UBR3: variants seen among roughly 807,000 people sequenced by gnomAD.
UBR3 encodes the protein ubiquitin protein ligase E3 component n-recognin 3.
In UBR3, 85 loss-of-function variants were observed where a neutral mutation model predicts 243.2. The observed-to-expected ratio is 0.35, with a 90% CI of 0.29 to 0.42. The LOEUF (loss-of-function observed/expected upper bound fraction) is 0.42, where lower values mean the gene tolerates loss of function less well. Among genes scored for constraint, UBR3 ranks in the 10% least tolerant of loss-of-function variants. The pLI is 1.00. For missense variants in UBR3, 1,686 were observed against 2,300.8 expected, an observed-to-expected ratio of 0.73 and a Z score of 5.47; for synonymous variants, 748 against 799.8, an observed-to-expected ratio of 0.94 and a Z score of 1.09.
At position 169,932,957 on chromosome 2, in the gene UBR3, G is replaced by A. The variant is rs759291811; in HGVS notation, c.2612G>A (p.Arg871Gln). Residue 871 changes from arginine (R) to glutamine (Q), a missense_variant, in exon 19 of 39, where the codon CGA (arginine) becomes CAA (glutamine). Transcript: ENST00000272793. Reference sequence around the variant, plus strand: ...TTTGACCCCGTCATGGTCATTCTTCGAACAGTTTACCGTAGAGATGTGCAG... The same window carrying A: ...TTTGACCCCGTCATGGTCATTCTTCAAACAGTTTACCGTAGAGATGTGCAG... ...QEFDPVMVIL[R>Q]TVYRRDVQSA... The A allele has an allele frequency of 1.9e-6, 3 of 1,540,586 alleles. No individual in the cohort carries two copies. Among genetic ancestry groups the A allele is most frequent in the South Asian group, 2.5e-5 (2 of 81,388 alleles).
chr2:169,863,336 C>T (rs187564246), intron 1 of UBR3, among the ~76,000 whole-genome samples: 37 of 152,328 alleles, frequency 2.4e-4, no homozygotes, highest in African/African-American at 8.7e-4. Flanking sequence ...CATTGAGTTG[C>T]ATACTTAACC....
At chr2:169,923,810 G>C in intron 11 of UBR3, 119 bp from the exon 12 acceptor site, 1 of 913,472 alleles carries the variant, frequency 1.1e-6, no homozygotes, top group Non-Finnish European at 1.6e-6. Flanking sequence ...AAAATGTTAA[G>C]TTTTGAACTA....
chr2:170,016,133 TAGTA>T (rs1203164072), intron 30 of UBR3, among the ~76,000 whole-genome samples: 12 of 151,780 alleles, frequency 7.9e-5, no homozygotes, highest in African/African-American at 9.7e-5. Context: ...TACTAAAAAA[TAGTA>T]AGTATTAAAA....
At chr2:169,913,919 T>C (rs1340985752) in intron 10 of UBR3, 141 bp from the exon 11 acceptor site, 1 of 339,456 alleles carries the variant, frequency 2.9e-6, no homozygotes, top group African/African-American at 2.1e-5. Context: ...AGGGAGAGTT[T>C]CTTGAAATGG....
intron 23 of UBR3, among the ~76,000 whole-genome samples, chr2:169,952,673 G>C (rs1340907651): frequency 6.6e-6 from 1 of 151,648 alleles, no homozygotes; most frequent in African/African-American, 2.4e-5. Context: ...CCAGCCTGGC[G>C]ACAGAATGAG....
At chr2:169,947,872 T>C (rs2086848565) in intron 22 of UBR3, 157 bp downstream of exon 22, 1 of 985,100 alleles carries the variant, frequency 1.0e-6, no homozygotes, top group African/African-American at 1.7e-5. Context: ...ATGTAACTTC[T>C]ACCTTACCAG....
intron 1 of UBR3, among the ~76,000 whole-genome samples, chr2:169,861,387 A>G (rs1464023554): frequency 6.6e-6 from 1 of 152,208 alleles, no homozygotes; most frequent in Admixed American, 6.5e-5. Context: ...AGGCGGGTGG[A>G]TCACGAGGTC....
In UBR3 at chr2:170,029,595, A is replaced by G. The variant is rs530981729; in HGVS notation, c.4556+147A>G. The G allele has an allele frequency of 1.4e-4, 89 of 638,978 alleles. No individual in the cohort carries two copies. The Middle Eastern group carries it at 2.3e-3, about 16-fold the overall frequency. The allele number at this position is 638,978 out of a possible 1,614,324, so 39.6% of individuals were successfully genotyped here. On this transcript the variant is annotated intron_variant, in intron 31 of 38. Transcript: ENST00000272793. Reference sequence around the variant, plus strand: ...GAAATATATCATAAGAATTGAAAACAGTTTACCATTATGCTGTCTGTAAAA... The same window carrying G: ...GAAATATATCATAAGAATTGAAAACGGTTTACCATTATGCTGTCTGTAAAA...
In UBR3 at chr2:169,900,495, A is replaced by G. The variant is rs1022277629; in HGVS notation, c.1465+3760A>G. On this transcript the variant is annotated intron_variant, in intron 8 of 38. Coordinates refer to ENST00000272793, the MANE Select transcript of UBR3 (RefSeq NM_172070.4). ...TTGCTGTGCAGAAGCTCTTTAGTTT[A>G]ATTAGATCCCATTTGTCAATTTTGG... 1.7e-4 allele frequency among the ~76,000 whole-genome samples: 26 copies of G among 152,142 alleles called. 1 individual carries two copies. Among genetic ancestry groups the G allele is most frequent in the Non-Finnish European group, 2.9e-5 (2 of 68,028 alleles).
chr2:170,048,641 T>G (rs1330219441), intron 32 of UBR3, among the ~76,000 whole-genome samples: 1 of 152,214 alleles, frequency 6.6e-6, no homozygotes, highest in Non-Finnish European at 1.5e-5. Context: ...AAAGCCCTCG[T>G]TTCCAAATTC....
chr2:170,054,133 T>C (rs1308174788), intron 32 of UBR3, among the ~76,000 whole-genome samples: 1 of 152,204 alleles, frequency 6.6e-6, no homozygotes, highest in Non-Finnish European at 1.5e-5. Flanking sequence ...TATTTTTATT[T>C]TTATCTTTAT....
intron 11 of UBR3, among the ~76,000 whole-genome samples, chr2:169,919,922 A>G (rs1356598412): frequency 1.3e-5 from 2 of 152,142 alleles, no homozygotes; most frequent in East Asian, 3.8e-4. Context: ...GGGATCTAGA[A>G]CTAGAAATAC....
At chr2:169,969,869 G>A (rs535235513) in intron 24 of UBR3, among the ~76,000 whole-genome samples, 1 of 149,398 alleles carries the variant, frequency 6.7e-6, no homozygotes, top group South Asian at 2.1e-4. Flanking sequence ...TTTTATGCCA[G>A]TACCATGCTA....
In UBR3 at chr2:169,942,516, C is replaced by G; in HGVS notation, c.2687C>G (p.Pro896Arg). Reference sequence around the variant, plus strand: ...AGTTTAAAACAGAGTGGAAAATTTCCTGGAAATCCCTGGCCTCCATATAAG... The same window carrying G: ...AGTTTAAAACAGAGTGGAAAATTTCGTGGAAATCCCTGGCCTCCATATAAG... ...TAFLKQSGKF[P>R]GNPWPPYKKR... Residue 896 changes from proline (P) to arginine (R), a missense_variant, in exon 20 of 39, where the codon CCT becomes CGT. Around this residue, in one of 8 missense-constraint regions of UBR3, gnomAD observed 346 missense variants for 585.8 expected, o/e 0.59. Coordinates refer to ENST00000272793, the MANE Select transcript of UBR3 (RefSeq NM_172070.4). 1 of 1,547,608 alleles carries G rather than the reference C, an allele frequency of 6.5e-7. No homozygotes were observed. Among genetic ancestry groups the G allele is most frequent in the Non-Finnish European group, 8.7e-7 (1 of 1,146,142 alleles).
At chr2:170,061,226 A>T in intron 34 of UBR3, 40 bp downstream of exon 34, 1 of 1,580,342 alleles carries the variant, frequency 6.3e-7, no homozygotes. Context: ...GTTATTTAGT[A>T]AAAAATTTAC....
Position 169,949,630 on chromosome 2 carries a change from G to A in UBR3, c.3110G>A (p.Ser1037Asn). The A allele has an allele frequency of 6.5e-7, 1 of 1,547,864 alleles. No individual in the cohort carries two copies. The highest frequency in any genetic ancestry group is 8.7e-7 in the Non-Finnish European group (1 of 1,145,390). The change falls in exon 23 of 39, where the codon AGT (serine) becomes AAT (asparagine). Residue 1037 changes from serine (S) to asparagine (N), a missense_variant. This residue lies in a region of UBR3 where 300 missense variants were observed against 314.4 expected (regional missense o/e 0.95). Coordinates refer to ENST00000272793, the MANE Select transcript of UBR3 (RefSeq NM_172070.4). ...AATTCTGGTACAGCTCAAGTTTTCAGTTTAGTAGCAGAACGTAGAAAGAAA... is the reference window on the plus strand; with the variant it reads ...AATTCTGGTACAGCTCAAGTTTTCAATTTAGTAGCAGAACGTAGAAAGAAA... ...LQNSGTAQVF[S>N]LVAERRKKFQ...
intron 10 of UBR3, among the ~76,000 whole-genome samples, chr2:169,911,487 T>A (rs1351860981): frequency 6.6e-6 from 1 of 152,160 alleles, no homozygotes; most frequent in African/African-American, 2.4e-5. Flanking sequence ...AAAATTTAAG[T>A]AATTTGCTCA....
chr2:169,885,227 G>C (rs1157344218), intron 5 of UBR3, among the ~76,000 whole-genome samples: 1 of 152,136 alleles, frequency 6.6e-6, no homozygotes, highest in Non-Finnish European at 1.5e-5. Flanking sequence ...AGGAAGATAG[G>C]ATGAGAATAA....
intron 29 of UBR3, among the ~76,000 whole-genome samples, chr2:170,012,378 A>G (rs16857439): frequency 0.11 from 16,240 of 152,176 alleles, 1,157 homozygotes; most frequent in African/African-American, 0.2. Context: ...TAAGCATCTT[A>G]TCAGGTACCC....
Sources: allele counts gnomAD v4.1 joint callset (sites outside exome capture counted in the v4.1 genomes callset), GRCh38; gene constraint gnomAD v4.1.1; regional missense constraint gnomAD v4.1.1; transcripts MANE v1.5; gene names NCBI Gene and HGNC (gene_info 2026-07-23, HGNC 2026-07-21).